Variants in PHF7 observed in about 807,000 individuals in gnomAD.
PHF7 encodes the protein E3 ubiquitin-protein ligase PHF7.
In PHF7, 24 loss-of-function variants were observed where a neutral mutation model predicts 47.5. That is an observed-to-expected ratio of 0.51 (90% CI 0.37 to 0.71). PHF7 has a LOEUF of 0.71. Ranked by LOEUF, PHF7 falls within the 30% of genes least tolerant of loss-of-function variation. PHF7 has a pLI of 0.00. For missense variants in PHF7, 361 were observed against 456.8 expected (o/e 0.79, Z 1.91); for synonymous variants, 156 against 153.8 (o/e 1.01, Z -0.11).
In PHF7 at chr3:52,410,696, C is replaced by T. The variant is rs1179242449; in HGVS notation, c.-621C>T. ...GCGCAGTCACCGCGCAGGGCGGCCG[C>T]CCGGAGGTAGCTACCACGGCCTGTG... On this transcript the variant is annotated 5_prime_UTR_variant, in exon 1 of 11. Transcript: ENST00000327906. 1 of 152,642 alleles carries T rather than the reference C, an allele frequency of 6.6e-6. No individual in the cohort carries two copies. The highest frequency in any genetic ancestry group is 1.5e-5 in the Non-Finnish European group (1 of 68,154). 9.5% of individuals were successfully genotyped at this position (152,642 alleles called of 1,614,324 possible).
chr3:52,412,709 C>G, intron 1 of PHF7, 102 bp from the exon 2 acceptor site: 1 of 621,022 alleles, frequency 1.6e-6, no homozygotes, highest in South Asian at 1.9e-5. Context: ...TTTATTCCAT[C>G]ACATGGGTTG....
chr3:52,414,570 G>C lies in PHF7; in HGVS notation c.169G>C (p.Val57Leu), dbSNP rs370842503. 3 of 1,609,576 alleles carry C rather than the reference G, an allele frequency of 1.9e-6. No homozygotes were observed. Among genetic ancestry groups the C allele is most frequent in the Non-Finnish European group, 2.5e-6 (3 of 1,176,474 alleles). ...ATTTCTTCAGAAAGACAATATCAGC[G>C]TGCATTATTTCTGTCTTGTGAGTAT... is the stretch of plus-strand genomic sequence containing the variant. ...GEFLQKDNIS[V>L]HYFCLILSSK... The change falls in exon 4 of 11, where the codon GTG (valine) becomes CTG (leucine). Residue 57 changes from valine (V) to leucine (L), a missense_variant. Transcript: ENST00000327906.
chr3:52,423,346 A>G lies in PHF7; in HGVS notation c.*29A>G. 7.0e-7 allele frequency: 1 copy of G among 1,437,496 alleles called. No homozygotes were observed. Among genetic ancestry groups the G allele is most frequent in the East Asian group, 2.3e-5 (1 of 44,110 alleles). 89.0% of individuals were successfully genotyped at this position (1,437,496 alleles called of 1,614,324 possible). On this transcript the variant is annotated 3_prime_UTR_variant, in exon 11 of 11. Coordinates refer to ENST00000327906, the MANE Select transcript of PHF7 (RefSeq NM_016483.7). Reference sequence around the variant, plus strand: ...CTTCTGAGTAGCTGCTGTCCCACACAATAGGGTATGAAGCTGCGCTCCTCC... The same window carrying G: ...CTTCTGAGTAGCTGCTGTCCCACACGATAGGGTATGAAGCTGCGCTCCTCC...
intron 4 of PHF7, among the ~76,000 whole-genome samples, chr3:52,415,529 C>A (rs1303236106): frequency 6.6e-6 from 1 of 152,228 alleles, no homozygotes; most frequent in Non-Finnish European, 1.5e-5. Flanking sequence ...CCAGAAAGTT[C>A]CCTCCTGCCT....
intron 4 of PHF7, among the ~76,000 whole-genome samples, chr3:52,417,714 C>T (rs1395673867): frequency 1.3e-5 from 2 of 152,088 alleles, no homozygotes; most frequent in Non-Finnish European, 2.9e-5. Context: ...TGCACATAAC[C>T]ATGTCATGTG....
At chr3:52,416,502 T>TAAC (rs1705630574) in intron 4 of PHF7, among the ~76,000 whole-genome samples, 1 of 150,652 alleles carries the variant, frequency 6.6e-6, no homozygotes, top group Admixed American at 6.6e-5. Context: ...ATATTTTCGT[T>TAAC]TGTTAAGTAT....
intron 4 of PHF7, among the ~76,000 whole-genome samples, chr3:52,417,840 T>C (rs1705669053): frequency 1.3e-5 from 2 of 152,224 alleles, no homozygotes; most frequent in Non-Finnish European, 1.5e-5. Context: ...TGAGTTGTTA[T>C]CCTTGTCTTG....
At chr3:52,422,645 T>G in intron 9 of PHF7, 115 bp from the exon 10 acceptor site, 1 of 1,086,986 alleles carries the variant, frequency 9.2e-7, no homozygotes, top group Non-Finnish European at 1.4e-6. Flanking sequence ...CTCTGAGCCA[T>G]ACATTCATCT....
At chr3:52,422,652 A>C in intron 9 of PHF7, 108 bp from the exon 10 acceptor site, 1 of 1,169,444 alleles carries the variant, frequency 8.6e-7, no homozygotes, top group Admixed American at 1.7e-5. Flanking sequence ...CCATACATTC[A>C]TCTTGGGTAA....
chr3:52,418,177 T>C (rs1379386138), intron 4 of PHF7, among the ~76,000 whole-genome samples: 3 of 152,234 alleles, frequency 2.0e-5, no homozygotes, highest in Admixed American at 6.5e-5. Flanking sequence ...GCATCTGTTT[T>C]GATTTTTATA....
intron 3 of PHF7, 120 bp from the exon 4 acceptor site, chr3:52,414,376 A>G (rs1705556829): frequency 1.4e-6 from 1 of 692,870 alleles, no homozygotes; most frequent in Non-Finnish European, 2.6e-6. Flanking sequence ...CTCCTTGCCA[A>G]AATGACCCTT....
chr3:52,413,840 C>T (rs1333808182), intron 2 of PHF7, among the ~76,000 whole-genome samples, 156 bp from the exon 3 acceptor site: 5 of 152,122 alleles, frequency 3.3e-5, no homozygotes, highest in Non-Finnish European at 7.4e-5. Flanking sequence ...GTCTCAAAAA[C>T]ATATATATGT....
Position 52,423,516 on chromosome 3 carries a change from A to G in PHF7, c.*199A>G, listed in dbSNP as rs983543346. ...CCAACAAGGAAATGCGTTTATGGCT[A>G]CAAGAGTGCCTCTGCTTTCTCCTCC... On this transcript the variant is annotated 3_prime_UTR_variant, in exon 11 of 11. Coordinates refer to ENST00000327906, the MANE Select transcript of PHF7 (RefSeq NM_016483.7). 5.8e-6 allele frequency: 3 copies of G among 521,062 alleles called. No individual in the cohort carries two copies. The highest frequency in any genetic ancestry group is 1.1e-3 in the Middle Eastern group (2 of 1,874). 32.3% of individuals were successfully genotyped at this position (521,062 alleles called of 1,614,324 possible).
chr3:52,412,767 A>G, intron 1 of PHF7, 44 bp from the exon 2 acceptor site: 1 of 873,704 alleles, frequency 1.1e-6, no homozygotes, highest in Non-Finnish European at 1.8e-6. Flanking sequence ...TTGATAACCA[A>G]ATACAGAATT....
At chr3:52,418,843 T>C (rs1294889384) in intron 4 of PHF7, among the ~76,000 whole-genome samples, 5 of 151,798 alleles carry the variant, frequency 3.3e-5, no homozygotes, top group Non-Finnish European at 5.9e-5. Flanking sequence ...AGTCTTGCTC[T>C]GTCGCCCAGG....
At chr3:52,418,508 T>C (rs1290843204) in intron 4 of PHF7, among the ~76,000 whole-genome samples, 3 of 152,192 alleles carry the variant, frequency 2.0e-5, no homozygotes, top group African/African-American at 7.2e-5. Context: ...CTGAGATAAT[T>C]AGTTTTAAAA....
At chr3:52,420,005 G>T (rs760889471) in intron 5 of PHF7, 71 bp downstream of exon 5, 23 of 907,312 alleles carry the variant, frequency 2.5e-5, no homozygotes, top group Admixed American at 1.2e-4. Flanking sequence ...TCCTGTTTCT[G>T]TTCTCTTCCC....
intron 1 of PHF7, among the ~76,000 whole-genome samples, chr3:52,411,786 A>G (rs1242624522): frequency 6.6e-6 from 1 of 152,244 alleles, no homozygotes; most frequent in Non-Finnish European, 1.5e-5. Flanking sequence ...AAAACAGGTA[A>G]CAGCCGGAGT....
At chr3:52,422,978 T>A in intron 10 of PHF7, 97 bp downstream of exon 10, 1 of 1,555,498 alleles carries the variant, frequency 6.4e-7, no homozygotes, top group Non-Finnish European at 8.8e-7. Flanking sequence ...CAGAGGGGGA[T>A]TAATAGTTGG....
Sources: gnomAD v4.1 joint callset for allele counts (sites outside exome capture counted in the v4.1 genomes callset) on GRCh38, gnomAD v4.1.1 for gene constraint, MANE v1.5 for transcripts, NCBI Gene and HGNC (gene_info 2026-07-23, HGNC 2026-07-21) for gene names.